PPFIA2: variants seen among roughly 807,000 people sequenced by gnomAD.
The protein encoded by PPFIA2 is PPFI scaffold protein A2.
A neutral mutation model predicts 175.5 loss-of-function variants in PPFIA2; 46 were observed. The ratio of observed to expected loss-of-function variants is 0.26; its 90% CI spans 0.21 to 0.34. The LOEUF is 0.34. Ranked by LOEUF, PPFIA2 falls within the 10% of genes least tolerant of loss-of-function variation. The pLI is 1.00. For missense variants in PPFIA2, 1,179 were observed against 1,506.1 expected, an observed-to-expected ratio of 0.78 and a Z score of 3.60; for synonymous variants, 568 against 511.4, an observed-to-expected ratio of 1.11 and a Z score of -1.49.
At chr12:81,499,541 T>C (rs999779140) in intron 4 of PPFIA2, among the ~76,000 whole-genome samples, 9 of 152,144 alleles carry the variant, frequency 5.9e-5, no homozygotes, top group Admixed American at 5.9e-4. Flanking sequence ...GAGTCACCAC[T>C]TATAATCCCT....
At chr12:81,343,336 T>C (rs1186898735) in intron 19 of PPFIA2, among the ~76,000 whole-genome samples, 1 of 152,062 alleles carries the variant, frequency 6.6e-6, no homozygotes, top group Non-Finnish European at 1.5e-5. Flanking sequence ...CCATTAAACT[T>C]ATATAGTCTT....
intron 14 of PPFIA2, among the ~76,000 whole-genome samples, chr12:81,363,862 G>C (rs141036594): frequency 6.3e-4 from 96 of 151,830 alleles, no homozygotes; most frequent in Non-Finnish European, 9.6e-4. Context: ...GTTTCTTATT[G>C]ATTTGTAAAT....
chr12:81,470,531 T>C (rs1256878173), intron 4 of PPFIA2, among the ~76,000 whole-genome samples: 2 of 152,172 alleles, frequency 1.3e-5, no homozygotes, highest in African/African-American at 4.8e-5. Flanking sequence ...CGGTAAAACA[T>C]AGAGTTATCG....
intron 7 of PPFIA2, among the ~76,000 whole-genome samples, chr12:81,428,689 A>C (rs140763790): frequency 6.6e-6 from 1 of 152,132 alleles, no homozygotes; most frequent in African/African-American, 2.4e-5. Context: ...TTAGTTTACC[A>C]ATCTAAAATT....
intron 4 of PPFIA2, among the ~76,000 whole-genome samples, chr12:81,651,229 A>G (rs11114960): frequency 0.045 from 6,893 of 152,194 alleles, 317 homozygotes; most frequent in East Asian, 0.25. Flanking sequence ...AAAGGAAGAG[A>G]CTGCTGGAGG....
intron 5 of PPFIA2, among the ~76,000 whole-genome samples, chr12:81,455,473 A>G (rs1389419131): frequency 6.6e-6 from 1 of 152,200 alleles, no homozygotes; most frequent in Non-Finnish European, 1.5e-5. Flanking sequence ...GTTGAAATCA[A>G]TGGCTTCAAT....
At chr12:81,527,732 G>C (rs182536957) in intron 4 of PPFIA2, among the ~76,000 whole-genome samples, 1 of 152,158 alleles carries the variant, frequency 6.6e-6, no homozygotes, top group East Asian at 1.9e-4. Context: ...CTAATGTGAT[G>C]GTATTAGGAG....
At chr12:81,534,772 A>G (rs2065139585) in intron 4 of PPFIA2, among the ~76,000 whole-genome samples, 1 of 151,716 alleles carries the variant, frequency 6.6e-6, no homozygotes, top group Non-Finnish European at 1.5e-5. Context: ...ATTGCCACAC[A>G]AGAACTCTTT....
chr12:81,677,478 ATCT>A (rs1448550603), intron 3 of PPFIA2, among the ~76,000 whole-genome samples: 7 of 151,838 alleles, frequency 4.6e-5, no homozygotes. Context: ...TATTAACCAA[ATCT>A]TCTTTTTTCA....
intron 4 of PPFIA2, among the ~76,000 whole-genome samples, chr12:81,640,404 T>C (rs998691634): frequency 2.0e-4 from 30 of 152,156 alleles, no homozygotes; most frequent in African/African-American, 7.0e-4. Context: ...AATATCGTCT[T>C]ATCCTACGTA....
chr12:81,486,091 A>G (rs1489742528), intron 4 of PPFIA2, among the ~76,000 whole-genome samples: 1 of 151,888 alleles, frequency 6.6e-6, no homozygotes, highest in South Asian at 2.1e-4. Flanking sequence ...AATGTAACAC[A>G]TAGGATTAAT....
intron 3 of PPFIA2, among the ~76,000 whole-genome samples, chr12:81,679,810 C>A (rs1281169143): frequency 6.6e-6 from 1 of 151,914 alleles, no homozygotes; most frequent in East Asian, 1.9e-4. Flanking sequence ...CTTATCAGTT[C>A]ATGCAAAAGG....
intron 7 of PPFIA2, among the ~76,000 whole-genome samples, chr12:81,435,286 C>T (rs1232232103): frequency 6.6e-6 from 1 of 152,166 alleles, no homozygotes; most frequent in African/African-American, 2.4e-5. Flanking sequence ...TCCCACTGAC[C>T]TCCCTGCTGG....
intron 22 of PPFIA2, among the ~76,000 whole-genome samples, chr12:81,304,907 G>A (rs977982719): frequency 6.6e-6 from 1 of 151,988 alleles, no homozygotes; most frequent in Non-Finnish European, 1.5e-5. Context: ...TGGCTGTTGA[G>A]GATAGCACGG....
chr12:81,336,671 T>C (rs2057184347), intron 21 of PPFIA2, among the ~76,000 whole-genome samples: 1 of 152,192 alleles, frequency 6.6e-6, no homozygotes, highest in Admixed American at 6.6e-5. Context: ...TCAACTTAAG[T>C]CATGTGTCTC....
At chr12:81,448,571 T>C (rs2051778646) in intron 5 of PPFIA2, among the ~76,000 whole-genome samples, 1 of 152,232 alleles carries the variant, frequency 6.6e-6, no homozygotes, top group Admixed American at 6.5e-5. Flanking sequence ...CAAAGGGATC[T>C]AAATTTTCTG....
intron 4 of PPFIA2, among the ~76,000 whole-genome samples, chr12:81,652,930 G>A (rs1011001287): frequency 1.3e-5 from 2 of 151,942 alleles, no homozygotes; most frequent in Non-Finnish European, 2.9e-5. Flanking sequence ...CATCTATCCA[G>A]TAGTTCCCCA....
intron 21 of PPFIA2, 55 bp downstream of exon 21, chr12:81,339,125 C>T: frequency 7.2e-7 from 1 of 1,392,364 alleles, no homozygotes; most frequent in South Asian, 1.7e-5. Flanking sequence ...TAGATGGATA[C>T]TGTGACATGA....
At chr12:81,723,496 G>A (rs1338896340) in intron 3 of PPFIA2, among the ~76,000 whole-genome samples, 2 of 150,912 alleles carry the variant, frequency 1.3e-5, no homozygotes, top group Non-Finnish European at 3.0e-5. Context: ...TCCATACTGT[G>A]GTTTGGGGGG....
Sources: gnomAD v4.1 joint callset for allele counts (sites outside exome capture counted in the v4.1 genomes callset) on GRCh38, gnomAD v4.1.1 for gene constraint, MANE v1.5 for transcripts, NCBI Gene and HGNC (gene_info 2026-07-23, HGNC 2026-07-21) for gene names.